The following XPO6 variants were observed in gnomAD, a reference collection of about 807,000 sequenced individuals.
The protein encoded by XPO6 is exportin 6, also known as exportin-6.
In XPO6, 3 loss-of-function variants were observed where a neutral mutation model predicts 130.0. That is an observed-to-expected ratio of 0.02 (90% CI 0.01 to 0.06). The LOEUF (loss-of-function observed/expected upper bound fraction) is 0.06, where lower values mean the gene tolerates loss of function less well. Ranked by LOEUF, XPO6 falls within the 10% of genes least tolerant of loss-of-function variation. XPO6 has a pLI of 1.00. For missense variants in XPO6, 970 were observed against 1,393.0 expected (o/e 0.70, Z 4.83); for synonymous variants, 524 against 548.9 (o/e 0.95, Z 0.63).
chr16:28,116,228 A>G (rs369413481), intron 15 of XPO6, among the ~76,000 whole-genome samples: 11 of 152,128 alleles, frequency 7.2e-5, no homozygotes, highest in Non-Finnish European at 1.6e-4. Context: ...TTGGGAGGCC[A>G]AGGCGGGCAG....
intron 1 of XPO6, among the ~76,000 whole-genome samples, chr16:28,209,923 G>A (rs2044099297): frequency 6.6e-6 from 1 of 152,030 alleles, no homozygotes; most frequent in Admixed American, 6.6e-5. Flanking sequence ...CGGATCACTT[G>A]AGCTCAGGTT....
chr16:28,147,232 T>C (rs2043000153), intron 8 of XPO6, among the ~76,000 whole-genome samples: 1 of 152,024 alleles, frequency 6.6e-6, no homozygotes, highest in African/African-American at 2.4e-5. Flanking sequence ...TGGTATCCAG[T>C]GGGAGTTCTG....
chr16:28,198,795 C>T (rs2043908683), intron 1 of XPO6, among the ~76,000 whole-genome samples: 1 of 152,110 alleles, frequency 6.6e-6, no homozygotes, highest in Non-Finnish European at 1.5e-5. Context: ...ACTCCCTATA[C>T]TATTTCTGCA....
chr16:28,186,181 G>A (rs908595196), intron 1 of XPO6, among the ~76,000 whole-genome samples: 4 of 151,872 alleles, frequency 2.6e-5, no homozygotes, highest in Non-Finnish European at 4.4e-5. Flanking sequence ...TCAGGTCTGC[G>A]GACTGTTGCT....
At chr16:28,162,853 A>C (rs1019688545) in intron 6 of XPO6, among the ~76,000 whole-genome samples, 1 of 152,182 alleles carries the variant, frequency 6.6e-6, no homozygotes, top group African/African-American at 2.4e-5. Context: ...CACCATGCCC[A>C]GCCCTGTAAT....
At position 28,133,876 on chromosome 16, in the gene XPO6, T is replaced by C. The variant is rs1407720756; in HGVS notation, c.1501A>G (p.Met501Val). The change falls in exon 11 of 24, where the codon ATG becomes GTG. Residue 501 changes from methionine to valine, a missense_variant. By Grantham distance (21) the Met-to-Val change is conservative. Coordinates refer to ENST00000304658, the MANE Select transcript of XPO6 (RefSeq NM_015171.4). ...AAGGCGTGCGTGGGCAGGAGCTCCATCACTTTGGCCACCACCTCCAAGCTC... is the reference window on the plus strand; with the variant it reads ...AAGGCGTGCGTGGGCAGGAGCTCCACCACTTTGGCCACCACCTCCAAGCTC... ...RQSLEVVAKV[M>V]ELLPTHAFST... The C allele has an allele frequency of 6.2e-7, 1 of 1,614,018 alleles. No individual in the cohort carries two copies. Among genetic ancestry groups the C allele is most frequent in the Non-Finnish European group, 8.5e-7 (1 of 1,179,990 alleles).
intron 9 of XPO6, among the ~76,000 whole-genome samples, chr16:28,145,435 T>C (rs970037913): frequency 1.3e-5 from 2 of 152,192 alleles, no homozygotes; most frequent in African/African-American, 2.4e-5. Context: ...AAAAATGGGT[T>C]TGAGAAACAT....
chr16:28,131,399 C>A (rs1203740771), intron 12 of XPO6, among the ~76,000 whole-genome samples: 1 of 152,170 alleles, frequency 6.6e-6, no homozygotes, highest in Admixed American at 6.5e-5. Context: ...ACAACAGTTA[C>A]CCAACACAGG....
chr16:28,107,443 G>A, intron 18 of XPO6, 79 bp downstream of exon 18: 1 of 1,530,556 alleles, frequency 6.5e-7, no homozygotes, highest in Non-Finnish European at 9.0e-7. Context: ...CACCGACTCA[G>A]TGTGTTCTAC....
chr16:28,195,731 T>G (rs2043848896), intron 1 of XPO6, among the ~76,000 whole-genome samples: 5 of 152,130 alleles, frequency 3.3e-5, no homozygotes. Flanking sequence ...CCATCCTGGG[T>G]GACAGAGAGA....
Position 28,101,295 on chromosome 16 carries a change from G to T in XPO6, c.3276+163C>A. On this transcript the variant is annotated intron_variant, in intron 23 of 23. Coordinates refer to ENST00000304658, the MANE Select transcript of XPO6 (RefSeq NM_015171.4). The surrounding 1 kb of genome is among the most constrained non-coding windows in gnomAD (Gnocchi z 5.4). ...GGAAAAGGCTGTGCCCCTCAATCAG[G>T]CTACAGCACCAGGTCAGCAGGCATC... is the stretch of plus-strand genomic sequence containing the variant. The T allele has an allele frequency of 1.4e-6, 1 of 706,492 alleles. No individual in the cohort carries two copies. The highest frequency in any genetic ancestry group is 2.6e-6 in the Non-Finnish European group (1 of 390,082). 43.8% of individuals were successfully genotyped at this position (706,492 alleles called of 1,614,324 possible).
At chr16:28,174,406 C>T (rs2043502685) in intron 4 of XPO6, among the ~76,000 whole-genome samples, 1 of 152,120 alleles carries the variant, frequency 6.6e-6, no homozygotes, top group South Asian at 2.1e-4. Context: ...CTTATAAATA[C>T]CTCCAAGTGT....
Position 28,098,234 on chromosome 16 carries a change from G to T in XPO6, c.*304C>A. The T allele has an allele frequency of 3.6e-6, 1 of 280,634 alleles. No homozygotes were observed. Among genetic ancestry groups the T allele is most frequent in the South Asian group, 7.5e-5 (1 of 13,402 alleles). 17.4% of individuals were successfully genotyped at this position (280,634 alleles called of 1,614,324 possible). ...TGTCCTTGGCAATTCTGCCCCATGA[G>T]CCACGTGCGCCTGGTCTGCATGGGC... On this transcript the variant is annotated 3_prime_UTR_variant, in exon 24 of 24. Coordinates refer to ENST00000304658, the MANE Select transcript of XPO6 (RefSeq NM_015171.4).
intron 13 of XPO6, among the ~76,000 whole-genome samples, chr16:28,125,049 G>A (rs1444172932): frequency 5.3e-5 from 8 of 152,216 alleles, no homozygotes. Context: ...TGCTGACTGA[G>A]TAGAATCAAG....
At chr16:28,102,299 T>TC (rs1367467616) in intron 21 of XPO6, among the ~76,000 whole-genome samples, 1 of 152,086 alleles carries the variant, frequency 6.6e-6, no homozygotes, top group Non-Finnish European at 1.5e-5. Context: ...AGCAATCCCC[T>TC]CCCTTGCCCT....
At chr16:28,187,030 G>A (rs1386674030) in intron 1 of XPO6, among the ~76,000 whole-genome samples, 5 of 152,204 alleles carry the variant, frequency 3.3e-5, no homozygotes, top group South Asian at 2.1e-4. Flanking sequence ...TAGTCCTGGC[G>A]TACATATAAA....
chr16:28,196,474 T>G lies in XPO6; in HGVS notation c.3+14892A>C, dbSNP rs548941806. On this transcript the variant is annotated intron_variant, in intron 1 of 23. Transcript: ENST00000304658. ...TTTCCTCTGGAGTGATGAAAAAGTG[T>G]GAAACTAGAGTGGTGATTCTTACAC... Among the ~76,000 whole-genome samples, 14 of 152,296 alleles carry G rather than the reference T, an allele frequency of 9.2e-5. No individual in the cohort carries two copies. The East Asian group carries it at 2.5e-3, about 27-fold the overall frequency.
chr16:28,104,460 C>T (rs192552401), intron 21 of XPO6, 86 bp downstream of exon 21: 53 of 1,523,726 alleles, frequency 3.5e-5, no homozygotes, highest in Non-Finnish European at 3.8e-5. Flanking sequence ...GCTTCAGACC[C>T]GAGACTGTGG....
intron 21 of XPO6, among the ~76,000 whole-genome samples, chr16:28,102,691 T>C (rs1043857265): frequency 1.3e-5 from 2 of 151,976 alleles, no homozygotes; most frequent in Admixed American, 6.6e-5. Flanking sequence ...TAAGCTGAGA[T>C]CCTACCACTC....
Sources: gnomAD v4.1 joint callset for allele counts (sites outside exome capture counted in the v4.1 genomes callset) on GRCh38, gnomAD v4.1.1 for gene constraint, Gnocchi (gnomAD v3.1) non-coding constraint, MANE v1.5 for transcripts, NCBI Gene and HGNC (gene_info 2026-07-23, HGNC 2026-07-21) for gene names.